The following TRIO variants were observed in gnomAD, a reference collection of about 807,000 sequenced individuals.
TRIO encodes trio Rho guanine nucleotide exchange factor.
In TRIO, 58 loss-of-function variants were observed where a neutral mutation model predicts 351.9. That is an observed-to-expected ratio of 0.16 (90% CI 0.13 to 0.21). The LOEUF is 0.21. Among genes scored for constraint, TRIO ranks in the 10% least tolerant of loss-of-function variants. The probability of loss-of-function intolerance (pLI) is 1.00; values close to 1 mark genes in which losing one functional copy is unlikely to be tolerated. For missense variants in TRIO, 3,201 were observed against 4,027.8 expected, an observed-to-expected ratio of 0.79 and a Z score of 5.56; for synonymous variants, 1,758 against 1,595.7, an observed-to-expected ratio of 1.10 and a Z score of -2.42.
intron 34 of TRIO, among the ~76,000 whole-genome samples, chr5:14,449,962 C>T (rs968552657): frequency 6.6e-6 from 1 of 152,162 alleles, no homozygotes; most frequent in African/African-American, 2.4e-5. Flanking sequence ...ACCAGAAATG[C>T]TGATAGATTA....
At chr5:14,498,488 G>T (rs756298475) in intron 52 of TRIO, 31 bp from the exon 53 acceptor site, 40 of 1,605,122 alleles carry the variant, frequency 2.5e-5, no homozygotes, top group Non-Finnish European at 3.2e-5. Flanking sequence ...CAGCTTTTCT[G>T]ATGCGCAGTG....
intron 28 of TRIO, among the ~76,000 whole-genome samples, chr5:14,394,528 A>G (rs1383896723): frequency 6.6e-6 from 1 of 152,178 alleles, no homozygotes; most frequent in Admixed American, 6.5e-5. Context: ...GAGTGTGCCC[A>G]GAATCACCAC....
At chr5:14,483,574 C>G (rs1755690777) in intron 46 of TRIO, among the ~76,000 whole-genome samples, 2 of 152,212 alleles carry the variant, frequency 1.3e-5, no homozygotes, top group African/African-American at 2.4e-5. Context: ...TCCGTTCAGG[C>G]TTTTGTTGGC....
At chr5:14,506,128 A>G (rs1389276402) in intron 55 of TRIO, among the ~76,000 whole-genome samples, 2 of 152,140 alleles carry the variant, frequency 1.3e-5, no homozygotes, top group African/African-American at 2.4e-5. Context: ...CTGGTGACCA[A>G]TGGCCACTGC....
chr5:14,179,101 G>C (rs1789590643), intron 1 of TRIO, among the ~76,000 whole-genome samples: 2 of 152,184 alleles, frequency 1.3e-5, no homozygotes, highest in Non-Finnish European at 2.9e-5. Flanking sequence ...TTCCCATTTG[G>C]AGTGAGGGAA....
chr5:14,458,974 C>T (rs1322057702), intron 34 of TRIO, among the ~76,000 whole-genome samples: 1 of 152,102 alleles, frequency 6.6e-6, no homozygotes, highest in African/African-American at 2.4e-5. Flanking sequence ...AATATATATA[C>T]ATATAAGTAC....
At chr5:14,367,684 C>T (rs1744720145) in intron 16 of TRIO, among the ~76,000 whole-genome samples, 1 of 151,958 alleles carries the variant, frequency 6.6e-6, no homozygotes, top group African/African-American at 2.4e-5. Flanking sequence ...GGAAAAAGAA[C>T]ATTTGATTAC....
intron 19 of TRIO, among the ~76,000 whole-genome samples, chr5:14,377,058 T>C (rs1745621887): frequency 6.6e-6 from 1 of 152,244 alleles, no homozygotes. Flanking sequence ...CTATTCTATG[T>C]CATATGTTCC....
chr5:14,446,854 C>T (rs144198950), intron 34 of TRIO, among the ~76,000 whole-genome samples: 2 of 152,238 alleles, frequency 1.3e-5, no homozygotes, highest in Non-Finnish European at 1.5e-5. Context: ...TCTTCTGGTT[C>T]CTCATTCTAC....
chr5:14,405,705 T>G, intron 31 of TRIO, 143 bp from the exon 32 acceptor site: 1 of 941,228 alleles, frequency 1.1e-6, no homozygotes, highest in Non-Finnish European at 1.5e-6. Flanking sequence ...TGGTAGCATA[T>G]TAAACGTCGG....
chr5:14,492,467 G>A (rs796674836), intron 48 of TRIO, 100 bp from the exon 49 acceptor site: 2 of 1,517,834 alleles, frequency 1.3e-6, no homozygotes, highest in African/African-American at 2.7e-5. Flanking sequence ...CCCTGCACGG[G>A]GTCATGGTGC....
intron 1 of TRIO, among the ~76,000 whole-genome samples, chr5:14,211,229 G>C (rs564112539): frequency 1.3e-5 from 2 of 152,298 alleles, no homozygotes; most frequent in African/African-American, 4.8e-5. Flanking sequence ...TCAGAGAGTT[G>C]GGTTTCTAGT....
At chr5:14,456,885 A>G (rs1753354601) in intron 34 of TRIO, among the ~76,000 whole-genome samples, 3 of 152,358 alleles carry the variant, frequency 2.0e-5, no homozygotes, top group Middle Eastern at 3.4e-3. Flanking sequence ...CATTCTGTTA[A>G]TGATGGTATT....
In TRIO at chr5:14,497,229, CCTGCACACT is replaced by C. The variant is rs1756961992; in HGVS notation, c.8019+213_8019+221del. Among the ~76,000 whole-genome samples the C allele has an allele frequency of 6.6e-6, 1 of 152,174 alleles. No individual in the cohort carries two copies. The highest frequency in any genetic ancestry group is 6.5e-5 in the Admixed American group (1 of 15,276). On this transcript the variant is annotated intron_variant, in intron 50 of 56. Coordinates refer to ENST00000344204, the MANE Select transcript of TRIO (RefSeq NM_007118.4). This position sits in a 1 kb window ranked among gnomAD's most constrained non-coding sequence, Gnocchi z 4.4. ...CGTCCTACAAGGAACCAGGTAGACC[CCTGCACACT>C]TCCGCAGGTGCACATGTGGCTTCTA...
chr5:14,397,453 G>T (rs1028421295), intron 29 of TRIO: 4 of 306,514 alleles, frequency 1.3e-5, no homozygotes, highest in Non-Finnish European at 2.4e-5. Flanking sequence ...GGATGGGTAG[G>T]TGGGTGTATG....
At position 14,378,564 on chromosome 5, in the gene TRIO, C is replaced by CTT. The variant is rs547273633; in HGVS notation, c.3447+448_3447+449dup. Among the ~76,000 whole-genome samples, 939 of 144,554 alleles carry CTT rather than the reference C, an allele frequency of 6.5e-3. 10 individuals carry two copies. Among genetic ancestry groups the CTT allele is most frequent in the African/African-American group, 0.022 (887 of 39,786 alleles). 94.8% of individuals were successfully genotyped at this position (144,554 alleles called of 152,430 possible). On this transcript the variant is annotated intron_variant, in intron 20 of 56. Coordinates refer to ENST00000344204, the MANE Select transcript of TRIO (RefSeq NM_007118.4). ...ACAGAATATCTTTCTTTTTCTGTTT[C>CTT]TTTTTTTTTTTTGAGACAGAGTTTT...
chr5:14,483,637 A>T (rs1755694440), intron 46 of TRIO, among the ~76,000 whole-genome samples: 2 of 152,148 alleles, frequency 1.3e-5, no homozygotes, highest in Admixed American at 6.5e-5. Context: ...GTCCGTGGGC[A>T]CAGGTGCCAG....
intron 34 of TRIO, among the ~76,000 whole-genome samples, chr5:14,445,739 C>T (rs756603383): frequency 6.6e-6 from 1 of 152,172 alleles, no homozygotes; most frequent in Non-Finnish European, 1.5e-5. Context: ...CCTCTTTTAT[C>T]CTTGAAAGCT....
At chr5:14,207,289 A>ACACG (rs1791525169) in intron 1 of TRIO, among the ~76,000 whole-genome samples, 1 of 42,928 alleles carries the variant, frequency 2.3e-5, no homozygotes, top group Admixed American at 2.0e-4. Flanking sequence ...ACACACACAC[A>ACACG]CAGCCAGGTA....
Sources: allele counts gnomAD v4.1 joint callset (sites outside exome capture counted in the v4.1 genomes callset), GRCh38; gene constraint gnomAD v4.1.1; non-coding constraint Gnocchi (gnomAD v3.1); transcripts MANE v1.5; gene names NCBI Gene and HGNC (gene_info 2026-07-23, HGNC 2026-07-21).